The following PDE4D variants were observed in gnomAD, a reference collection of about 807,000 sequenced individuals.
PDE4D encodes 3',5'-cyclic-AMP phosphodiesterase 4D.
PDE4D carries 24 observed loss-of-function variants against 87.4 expected under a neutral mutation model. The ratio of observed to expected loss-of-function variants is 0.27; its 90% CI spans 0.20 to 0.39. PDE4D has a LOEUF of 0.39. PDE4D is among the 10% of genes least tolerant of loss of function. PDE4D has a pLI of 1.00. For synonymous variants in PDE4D, 384 were observed against 383.2 expected (o/e 1.00, Z -0.02); for missense variants, 714 against 1,041.0 (o/e 0.69, Z 4.32).
intron 1 of PDE4D, among the ~76,000 whole-genome samples, chr5:59,744,429 A>G (rs1759311810): frequency 6.6e-6 from 1 of 152,174 alleles, no homozygotes; most frequent in East Asian, 1.9e-4. Context: ...AAACTTTGTT[A>G]TTGCTGAGCA....
chr5:59,199,703 T>C (rs1746308283), intron 2 of PDE4D, among the ~76,000 whole-genome samples: 1 of 152,056 alleles, frequency 6.6e-6, no homozygotes, highest in African/African-American at 2.4e-5. Context: ...GAGCCTAGAC[T>C]ATTTGACAAC....
At chr5:60,408,168 C>T (rs927958183) in intron 1 of PDE4D, among the ~76,000 whole-genome samples, 10 of 152,204 alleles carry the variant, frequency 6.6e-5, no homozygotes, top group South Asian at 2.1e-4. Flanking sequence ...GTCTGCACAG[C>T]TGGAGCAGAG....
chr5:60,027,878 C>T lies in PDE4D; in HGVS notation c.43-39161G>A, dbSNP rs1329174271. ...AAGAAATGTTGCATTTTGAACTGTG[C>T]CATCAAATAACTTGAGTTAAAACTT... On this transcript the variant is annotated intron_variant, in intron 2 of 16. Coordinates refer to the PDE4D transcript ENST00000502484. Among the ~76,000 whole-genome samples, 2 of 152,160 alleles carry T rather than the reference C, an allele frequency of 1.3e-5. 1 individual carries two copies. Among genetic ancestry groups the T allele is most frequent in the African/African-American group, 4.8e-5 (2 of 41,430 alleles).
chr5:59,960,391 C>T (rs1049782607), intron 3 of PDE4D, among the ~76,000 whole-genome samples: 2 of 152,098 alleles, frequency 1.3e-5, no homozygotes, highest in African/African-American at 4.8e-5. Flanking sequence ...CAAAGAGATG[C>T]CTGCACTTGT....
At position 59,801,434 on chromosome 5, in the gene PDE4D, G is replaced by T. The variant is rs1307668775; in HGVS notation, c.455+91734C>A. The stretch of plus-strand genomic sequence containing the variant: ...AGAGCTATTTCCTAGGTATATTTTA[G>T]GAACTTATCTGGTGATATCTATCTA... On this transcript the variant is annotated intron_variant, in intron 1 of 14. Transcript: ENST00000340635. 4.6e-5 allele frequency among the ~76,000 whole-genome samples: 7 copies of T among 152,236 alleles called. No homozygotes were observed. The South Asian group carries it at 1.5e-3, about 32-fold the overall frequency.
At chr5:59,571,658 C>T (rs184363645) in intron 1 of PDE4D, among the ~76,000 whole-genome samples, 2 of 152,246 alleles carry the variant, frequency 1.3e-5, no homozygotes, top group East Asian at 1.9e-4. Flanking sequence ...GTATCAAACT[C>T]TTAGTGCCAA....
chr5:59,224,313 C>CAA (rs1228952213), intron 1 of PDE4D, among the ~76,000 whole-genome samples: 2 of 151,200 alleles, frequency 1.3e-5, no homozygotes, highest in Non-Finnish European at 3.0e-5. Flanking sequence ...CACACACACA[C>CAA]ACACACACAC....
intron 1 of PDE4D, among the ~76,000 whole-genome samples, chr5:59,756,036 T>C (rs1761162149): frequency 6.6e-6 from 1 of 151,518 alleles, no homozygotes; most frequent in Non-Finnish European, 1.5e-5. Context: ...AATATTTATA[T>C]TAAAATAATA....
At chr5:59,266,022 T>C (rs1762800768) in intron 1 of PDE4D, among the ~76,000 whole-genome samples, 1 of 152,088 alleles carries the variant, frequency 6.6e-6, no homozygotes, top group Non-Finnish European at 1.5e-5. Context: ...CAAATTATAA[T>C]AGAACTGCTT....
rs541069660 is a variant in PDE4D at position 59,885,627 on chromosome 5, A to T, written c.455+7541T>A. 3.9e-5 allele frequency among the ~76,000 whole-genome samples: 6 copies of T among 152,324 alleles called. No homozygotes were observed. In the East Asian group the frequency reaches 1.2e-3, roughly 29 times the overall value. On this transcript the variant is annotated intron_variant, in intron 1 of 14. Transcript: ENST00000340635. ...CCTCCAAATGTAATGAATCTTGTAG[A>T]GCCACATAACCCAAGGTTAAGAATT...
intron 1 of PDE4D, among the ~76,000 whole-genome samples, chr5:59,776,760 A>C (rs959137459): frequency 2.8e-4 from 42 of 152,304 alleles, no homozygotes; most frequent in Non-Finnish European, 5.9e-4. Flanking sequence ...ATCAGGGCTT[A>C]AGTTACCTTT....
chr5:59,123,587 C>T (rs868487295), intron 5 of PDE4D, among the ~76,000 whole-genome samples: 2 of 152,296 alleles, frequency 1.3e-5, no homozygotes, highest in South Asian at 4.1e-4. Flanking sequence ...TACCAAGTTT[C>T]CTGCCTTGGA....
At chr5:60,305,110 C>G (rs1377541037) in intron 1 of PDE4D, among the ~76,000 whole-genome samples, 2 of 151,246 alleles carry the variant, frequency 1.3e-5, no homozygotes, top group Non-Finnish European at 2.9e-5. Context: ...TCCAAAAATT[C>G]AGAACAAACC....
chr5:60,392,266 A>T lies in PDE4D; in HGVS notation c.-90+95676T>A, dbSNP rs375408448. On this transcript the variant is annotated intron_variant, in intron 1 of 16. Transcript: ENST00000502484. The stretch of plus-strand genomic sequence containing the variant: ...ACTTGCAAGTTTGAACAAATTACAA[A>T]CTGAAATTGGCAATGTCACACTCAG... 9.8e-5 allele frequency among the ~76,000 whole-genome samples: 15 copies of T among 152,310 alleles called. No individual in the cohort carries two copies. In the South Asian group the frequency reaches 2.9e-3, roughly 30 times the overall value.
intron 1 of PDE4D, among the ~76,000 whole-genome samples, chr5:60,294,083 A>T (rs1753164633): frequency 6.6e-6 from 1 of 152,122 alleles, no homozygotes; most frequent in Admixed American, 6.5e-5. Flanking sequence ...CTAACTCCTC[A>T]CCAGTATTTG....
At chr5:59,233,898 A>G (rs900412361) in intron 1 of PDE4D, among the ~76,000 whole-genome samples, 14 of 152,308 alleles carry the variant, frequency 9.2e-5, no homozygotes, top group African/African-American at 3.4e-4. Flanking sequence ...GGATGGTAGT[A>G]GTTACACTGA....
chr5:59,969,309 C>G (rs2152816328), intron 3 of PDE4D, among the ~76,000 whole-genome samples: 1 of 152,016 alleles, frequency 6.6e-6, no homozygotes, highest in East Asian at 1.9e-4. Flanking sequence ...GGAAGACTAT[C>G]TGAAGAATAG....
At chr5:59,260,127 CT>C (rs1357667322) in intron 1 of PDE4D, among the ~76,000 whole-genome samples, 3 of 151,746 alleles carry the variant, frequency 2.0e-5, no homozygotes, top group Non-Finnish European at 4.4e-5. Flanking sequence ...TCCTGAGAGT[CT>C]TTTTTTCTTT....
At chr5:59,010,258 C>T (rs1461232032) in intron 6 of PDE4D, among the ~76,000 whole-genome samples, 3 of 152,072 alleles carry the variant, frequency 2.0e-5, no homozygotes, top group Non-Finnish European at 2.9e-5. Context: ...GCCCGGGAGG[C>T]AGAAGTTGCA....
Sources: gnomAD v4.1 joint callset for allele counts (sites outside exome capture counted in the v4.1 genomes callset) on GRCh38, gnomAD v4.1.1 for gene constraint, MANE v1.5 for transcripts, NCBI Gene and HGNC (gene_info 2026-07-23, HGNC 2026-07-21) for gene names.